Variants in ZBTB20 observed in about 807,000 individuals in gnomAD.
ZBTB20 encodes zinc finger and BTB domain containing 20, also known as zinc finger and BTB domain-containing protein 20.
A neutral mutation model predicts 56.9 loss-of-function variants in ZBTB20; 9 were observed. The observed-to-expected ratio is 0.16, with a 90% CI of 0.10 to 0.28. The LOEUF is 0.28. Among genes scored for constraint, ZBTB20 ranks in the 10% least tolerant of loss-of-function variants. The pLI, the probability that ZBTB20 is intolerant of heterozygous loss-of-function variation, is 1.00. For missense variants in ZBTB20, 655 were observed against 1,003.0 expected (o/e 0.65, Z 4.69); for synonymous variants, 417 against 420.7 (o/e 0.99, Z 0.11).
At chr3:114,987,626 G>C (rs917797578) in intron 2 of ZBTB20, among the ~76,000 whole-genome samples, 4 of 152,060 alleles carry the variant, frequency 2.6e-5, no homozygotes, top group Admixed American at 2.6e-4. Context: ...AAATAACATA[G>C]GTTTGCTAAT....
At chr3:114,907,892 A>G (rs1463117910) in intron 3 of ZBTB20, among the ~76,000 whole-genome samples, 3 of 151,964 alleles carry the variant, frequency 2.0e-5, no homozygotes, top group Admixed American at 6.6e-5. Context: ...AGAATGACAG[A>G]CAATTATCTG....
At chr3:114,892,162 T>C (rs1317910924) in intron 4 of ZBTB20, among the ~76,000 whole-genome samples, 2 of 152,242 alleles carry the variant, frequency 1.3e-5, no homozygotes, top group Non-Finnish European at 2.9e-5. Context: ...ATAGTAAGTG[T>C]TGAAGAAATC....
chr3:115,056,526 T>C (rs1161586386), intron 2 of ZBTB20, among the ~76,000 whole-genome samples: 1 of 152,126 alleles, frequency 6.6e-6, no homozygotes, highest in Non-Finnish European at 1.5e-5. Flanking sequence ...AAAACAAGCA[T>C]CTTTCATATT....
chr3:114,840,581 C>G (rs914892528), intron 4 of ZBTB20, among the ~76,000 whole-genome samples: 4 of 152,180 alleles, frequency 2.6e-5, no homozygotes, highest in African/African-American at 9.6e-5. Flanking sequence ...ATGTTTGCGT[C>G]TAGCTTGAGC....
At chr3:114,764,397 T>C (rs1422940463) in intron 5 of ZBTB20, among the ~76,000 whole-genome samples, 1 of 152,100 alleles carries the variant, frequency 6.6e-6, no homozygotes, top group African/African-American at 2.4e-5. Context: ...AGAACCACAG[T>C]GGGTGCTCAT....
chr3:114,391,745 T>G (rs2085892639), intron 7 of ZBTB20, among the ~76,000 whole-genome samples: 1 of 152,204 alleles, frequency 6.6e-6, no homozygotes, highest in Non-Finnish European at 1.5e-5. Context: ...TGAAAAGACC[T>G]AAAAGCTCAT....
chr3:114,847,930 C>T (rs2074798958), intron 4 of ZBTB20, among the ~76,000 whole-genome samples: 1 of 152,158 alleles, frequency 6.6e-6, no homozygotes, highest in South Asian at 2.1e-4. Flanking sequence ...CAAATACTTT[C>T]TAGCTTTCAG....
At chr3:115,042,310 T>A (rs533577001) in intron 2 of ZBTB20, among the ~76,000 whole-genome samples, 12 of 152,334 alleles carry the variant, frequency 7.9e-5, no homozygotes, top group African/African-American at 2.4e-4. Context: ...TTTAAAACAT[T>A]ATTTTCACTT....
At chr3:114,809,180 G>A (rs1196112493) in intron 4 of ZBTB20, among the ~76,000 whole-genome samples, 7 of 151,722 alleles carry the variant, frequency 4.6e-5, no homozygotes, top group South Asian at 2.1e-4. Context: ...TATCCAACAT[G>A]GAGTTTTTGT....
intron 3 of ZBTB20, among the ~76,000 whole-genome samples, chr3:114,908,923 A>G (rs546433703): frequency 6.6e-6 from 1 of 152,028 alleles, no homozygotes; most frequent in African/African-American, 2.4e-5. Context: ...TTTTAAAAAG[A>G]TTAGGAGATA....
intron 5 of ZBTB20, among the ~76,000 whole-genome samples, chr3:114,800,039 G>A (rs977560937): frequency 2.8e-4 from 43 of 151,928 alleles, no homozygotes; most frequent in African/African-American, 9.9e-4. Flanking sequence ...TAAAAACCAC[G>A]ATACAGTAGA....
intron 2 of ZBTB20, among the ~76,000 whole-genome samples, chr3:115,069,100 GC>G (rs1419306156): frequency 1.3e-5 from 2 of 152,072 alleles, no homozygotes; most frequent in African/African-American, 4.8e-5. Context: ...CAGAAAGAAA[GC>G]AGGTAAAAGC....
In ZBTB20 at chr3:114,354,924, C is replaced by T. The variant is rs529364071; in HGVS notation, c.200-3046G>A. Among the ~76,000 whole-genome samples, 11 of 152,182 alleles carry T rather than the reference C, an allele frequency of 7.2e-5. No individual in the cohort carries two copies. The South Asian group carries it at 2.1e-3, about 29-fold the overall frequency. Reference sequence around the variant, plus strand: ...ATTGCTATTTCATATAAGAGAAAGTCGAGGCTCTCAAAATGTCTAAATGAC... The same window carrying T: ...ATTGCTATTTCATATAAGAGAAAGTTGAGGCTCTCAAAATGTCTAAATGAC... On this transcript the variant is annotated intron_variant, in intron 10 of 11. Transcript: ENST00000675478.
chr3:114,992,630 A>G (rs2078865304), intron 2 of ZBTB20, among the ~76,000 whole-genome samples: 1 of 151,848 alleles, frequency 6.6e-6, no homozygotes, highest in South Asian at 2.1e-4. Context: ...GAAACAGACA[A>G]AGCCTGAAGC....
intron 4 of ZBTB20, among the ~76,000 whole-genome samples, chr3:114,852,988 G>A (rs2075074540): frequency 6.6e-6 from 1 of 152,086 alleles, no homozygotes; most frequent in Non-Finnish European, 1.5e-5. Flanking sequence ...AGTTCCAAAG[G>A]GCTTGCACAA....
At chr3:114,517,838 T>A (rs2046190855) in intron 6 of ZBTB20, among the ~76,000 whole-genome samples, 1 of 152,114 alleles carries the variant, frequency 6.6e-6, no homozygotes, top group South Asian at 2.1e-4. Context: ...CCTCCCAAAG[T>A]GCTAGGATTA....
At chr3:114,467,168 G>A (rs149038386) in intron 7 of ZBTB20, among the ~76,000 whole-genome samples, 5 of 152,286 alleles carry the variant, frequency 3.3e-5, no homozygotes, top group African/African-American at 1.2e-4. Context: ...GATGTTGTGG[G>A]TGAAACATGT....
chr3:114,534,549 A>C (rs2048246955), intron 6 of ZBTB20, among the ~76,000 whole-genome samples: 1 of 152,172 alleles, frequency 6.6e-6, no homozygotes, highest in African/African-American at 2.4e-5. Context: ...GGGAGACTCT[A>C]ACAGCCCACT....
chr3:114,605,111 T>C lies in ZBTB20; in HGVS notation c.-295+88417A>G, dbSNP rs192279855. 3.5e-3 allele frequency among the ~76,000 whole-genome samples: 532 copies of C among 152,186 alleles called. 3 individuals are homozygous for C. The highest frequency in any genetic ancestry group is 0.012 in the African/African-American group (502 of 41,540). On this transcript the variant is annotated intron_variant, in intron 6 of 11. Coordinates refer to ENST00000675478, the MANE Select transcript of ZBTB20 (RefSeq NM_001348800.3). ...AATACATCATTAGGCAGATGATGTA[T>C]GTTGAGTACTTAGAAGTTCCTAAAG...
Sources: gnomAD v4.1 joint callset for allele counts (sites outside exome capture counted in the v4.1 genomes callset) on GRCh38, gnomAD v4.1.1 for gene constraint, MANE v1.5 for transcripts, NCBI Gene and HGNC (gene_info 2026-07-23, HGNC 2026-07-21) for gene names.